Variants in TASP1 observed in about 807,000 individuals in gnomAD.
The protein encoded by TASP1 is taspase 1.
A neutral mutation model predicts 56.6 loss-of-function variants in TASP1; 16 were observed. That is an observed-to-expected ratio of 0.28 (90% CI 0.19 to 0.43). The LOEUF is 0.43. Ranked by LOEUF, TASP1 falls within the 20% of genes least tolerant of loss-of-function variation. The pLI is 1.00. For missense variants in TASP1, 393 were observed against 511.6 expected (o/e 0.77, Z 2.24); for synonymous variants, 179 against 184.2 (o/e 0.97, Z 0.23).
chr20:13,280,829 G>C, the TASP1 span, among the ~76,000 whole-genome samples: 1 of 152,158 alleles, frequency 6.6e-6, no homozygotes, highest in African/African-American at 2.4e-5. Flanking sequence ...ACCCAATTTG[G>C]CAAGCATCTG....
the TASP1 span, among the ~76,000 whole-genome samples, chr20:13,186,913 T>C: frequency 1.3e-5 from 2 of 152,196 alleles, no homozygotes; most frequent in Non-Finnish European, 2.9e-5. Context: ...TTAGATGTGA[T>C]ACAGATGTTT....
chr20:13,267,514 G>T, the TASP1 span, among the ~76,000 whole-genome samples: 1 of 152,104 alleles, frequency 6.6e-6, no homozygotes, highest in Admixed American at 6.6e-5. Context: ...CTGCGGGGAG[G>T]GTACAGGGCT....
chr20:13,107,707 T>G, the TASP1 span, among the ~76,000 whole-genome samples: 1 of 152,090 alleles, frequency 6.6e-6, no homozygotes, highest in Non-Finnish European at 1.5e-5. Context: ...TAATTCCACA[T>G]TTAAACTGAC....
chr20:13,614,669 C>T (rs2295506), intron 4 of TASP1: 79,180 of 353,252 alleles, frequency 0.22, 11,371 homozygotes, highest in African/African-American at 0.51. Flanking sequence ...GACATCACAA[C>T]AGTTTTCACA....
the TASP1 span, among the ~76,000 whole-genome samples, chr20:13,362,820 T>TATATATATATTATATATATATATATA: frequency 2.9e-5 from 2 of 70,018 alleles, no homozygotes; most frequent in African/African-American, 2.1e-4. Flanking sequence ...TATATATATA[T>TATATATATATTATATATATATATATA]ATATATATAT....
intron 10 of TASP1, among the ~76,000 whole-genome samples, chr20:13,500,381 T>C (rs2043901960): frequency 6.7e-6 from 1 of 149,778 alleles, no homozygotes; most frequent in African/African-American, 2.5e-5. Context: ...TAATGTTTAG[T>C]ATACAATCAA....
chr20:13,460,034 A>G (rs1182137033), intron 11 of TASP1, among the ~76,000 whole-genome samples: 1 of 152,086 alleles, frequency 6.6e-6, no homozygotes, highest in African/African-American at 2.4e-5. Context: ...AGAAAGGAAA[A>G]ATTCCTTCAA....
At chr20:13,362,816 T>C in the TASP1 span, among the ~76,000 whole-genome samples, 3 of 68,668 alleles carry the variant, frequency 4.4e-5, no homozygotes, top group South Asian at 3.6e-4. Context: ...GAAATATATA[T>C]ATATATATAT....
intron 12 of TASP1, among the ~76,000 whole-genome samples, chr20:13,420,755 G>A (rs540289897): frequency 2.0e-5 from 3 of 152,314 alleles, no homozygotes; most frequent in African/African-American, 7.2e-5. Context: ...CAGAAATGGG[G>A]AACCTGAGGC....
chr20:13,387,710 C>G (rs1343289312), downstream of TASP1, among the ~76,000 whole-genome samples: 6 of 152,136 alleles, frequency 3.9e-5, no homozygotes, highest in African/African-American at 1.2e-4. Context: ...AATGGTAGTT[C>G]CATTTTAAGT....
intron 12 of TASP1, among the ~76,000 whole-genome samples, chr20:13,430,358 C>T (rs6033705): frequency 6.6e-6 from 1 of 152,012 alleles, no homozygotes; most frequent in African/African-American, 2.4e-5. Context: ...CTTTAGCAGG[C>T]TCTCCGATGA....
intron 10 of TASP1, among the ~76,000 whole-genome samples, chr20:13,512,414 G>A (rs1460362711): frequency 1.3e-5 from 2 of 152,220 alleles, no homozygotes; most frequent in Non-Finnish European, 2.9e-5. Flanking sequence ...CTTTTGAGAA[G>A]TGTCTGTTCA....
intron 11 of TASP1, among the ~76,000 whole-genome samples, chr20:13,459,028 T>C (rs1162731960): frequency 6.6e-6 from 1 of 152,164 alleles, no homozygotes; most frequent in African/African-American, 2.4e-5. Context: ...GACAAGTTTG[T>C]GTAGCAGTTC....
intron 4 of TASP1, among the ~76,000 whole-genome samples, chr20:13,597,301 G>A (rs1031099910): frequency 1.3e-5 from 2 of 152,136 alleles, no homozygotes; most frequent in Non-Finnish European, 2.9e-5. Context: ...CTGGCAAACC[G>A]AATCCAGCAG....
chr20:13,235,931 T>C, the TASP1 span, among the ~76,000 whole-genome samples: 1 of 151,668 alleles, frequency 6.6e-6, no homozygotes, highest in Non-Finnish European at 1.5e-5. Flanking sequence ...ACTTCCCTTT[T>C]TTCTTTTTTT....
At chr20:13,633,991 T>C (rs538964699) in intron 1 of TASP1, among the ~76,000 whole-genome samples, 1 of 152,292 alleles carries the variant, frequency 6.6e-6, no homozygotes, top group African/African-American at 2.4e-5. Flanking sequence ...TCTGCAACTG[T>C]TGCTCAAAAA....
chr20:13,153,152 T>C, the TASP1 span, among the ~76,000 whole-genome samples: 1 of 152,348 alleles, frequency 6.6e-6, no homozygotes, highest in East Asian at 1.9e-4. Flanking sequence ...GAGCAAACAC[T>C]ATCTAGCTTT....
intron 12 of TASP1, among the ~76,000 whole-genome samples, chr20:13,431,991 A>T (rs890867230): frequency 2.6e-5 from 4 of 152,306 alleles, no homozygotes; most frequent in Middle Eastern, 3.4e-3. Context: ...GTAAGAAATA[A>T]ATTAATTTTC....
At chr20:13,500,371 T>C (rs1043912691) in intron 10 of TASP1, among the ~76,000 whole-genome samples, 1 of 149,238 alleles carries the variant, frequency 6.7e-6, no homozygotes, top group African/African-American at 2.5e-5. Context: ...TTTTCAAATA[T>C]AATGTTTAGT....
Sources: allele counts gnomAD v4.1 joint callset (sites outside exome capture counted in the v4.1 genomes callset), GRCh38; gene constraint gnomAD v4.1.1; transcripts MANE v1.5; gene names NCBI Gene and HGNC (gene_info 2026-07-23, HGNC 2026-07-21).